The following PTPRD variants were observed in gnomAD, a reference collection of about 807,000 sequenced individuals.
PTPRD encodes receptor-type tyrosine-protein phosphatase delta.
A neutral mutation model predicts 214.5 loss-of-function variants in PTPRD; 34 were observed. The ratio of observed to expected loss-of-function variants is 0.16; its 90% CI spans 0.12 to 0.21. The LOEUF (loss-of-function observed/expected upper bound fraction) is 0.21. Ranked by LOEUF, PTPRD falls within the 10% of genes least tolerant of loss-of-function variation. PTPRD has a pLI of 1.00. For synonymous variants in PTPRD, 1,128 were observed against 845.7 expected (o/e 1.33, Z -5.79); for missense variants, 2,545 against 2,398.7 (o/e 1.06, Z -1.27).
intron 3 of PTPRD, among the ~76,000 whole-genome samples, chr9:10,151,530 G>C (rs1592508414): frequency 6.6e-6 from 1 of 151,844 alleles, no homozygotes. Flanking sequence ...CAAAGTGCTG[G>C]GATTACAGGA....
chr9:10,550,297 T>C (rs2061024463), intron 2 of PTPRD, among the ~76,000 whole-genome samples: 2 of 152,196 alleles, frequency 1.3e-5, no homozygotes, highest in African/African-American at 4.8e-5. Context: ...TAAATTTAGA[T>C]TCAGAGGATA....
intron 7 of PTPRD, among the ~76,000 whole-genome samples, chr9:9,712,047 T>G (rs146527494): frequency 1.3e-5 from 2 of 152,050 alleles, no homozygotes; most frequent in East Asian, 3.9e-4. Context: ...CGCACCGACT[T>G]AGCAAAACTC....
rs148978465 is a variant in PTPRD at position 8,995,535 on chromosome 9, C to T, written c.-104+23162G>A. 5.8e-3 allele frequency among the ~76,000 whole-genome samples: 875 copies of T among 152,122 alleles called. 8 individuals are homozygous for T. The highest frequency in any genetic ancestry group is 0.02 in the African/African-American group (840 of 41,520). On this transcript the variant is annotated intron_variant, in intron 11 of 45. Coordinates refer to ENST00000381196, the MANE Select transcript of PTPRD (RefSeq NM_002839.4). Reference sequence around the variant, plus strand: ...TTGACACATGAAGGTGTATGGGGCTCTTACAGAACTTTAGGATTTGACAAC... The same window carrying T: ...TTGACACATGAAGGTGTATGGGGCTTTTACAGAACTTTAGGATTTGACAAC...
chr9:10,262,096 C>A (rs2475338), intron 3 of PTPRD, among the ~76,000 whole-genome samples: 1 of 151,624 alleles, frequency 6.6e-6, no homozygotes, highest in Admixed American at 6.6e-5. Flanking sequence ...GCATATTAAA[C>A]CATTTAATTG....
At chr9:9,396,005 A>T (rs1388785963) in intron 9 of PTPRD, among the ~76,000 whole-genome samples, 1 of 152,064 alleles carries the variant, frequency 6.6e-6, no homozygotes, top group African/African-American at 2.4e-5. Flanking sequence ...CTCACAAATT[A>T]CTTGACTGAA....
chr9:9,430,062 C>G (rs556184256), intron 8 of PTPRD, among the ~76,000 whole-genome samples: 1 of 152,120 alleles, frequency 6.6e-6, no homozygotes, highest in African/African-American at 2.4e-5. Flanking sequence ...GGCAATCAGG[C>G]AGGAGAAAGA....
intron 9 of PTPRD, among the ~76,000 whole-genome samples, chr9:9,380,627 C>G (rs1243292970): frequency 6.6e-6 from 1 of 152,062 alleles, no homozygotes; most frequent in Non-Finnish European, 1.5e-5. Context: ...AGTAAATGTT[C>G]CATGTGAGTT....
chr9:9,765,822 G>C (rs1007447728), intron 6 of PTPRD, among the ~76,000 whole-genome samples: 3 of 150,768 alleles, frequency 2.0e-5, no homozygotes, highest in Non-Finnish European at 2.9e-5. Context: ...CACCACCCCT[G>C]GCTAATTTTT....
intron 10 of PTPRD, among the ~76,000 whole-genome samples, chr9:9,037,835 G>A (rs2099626853): frequency 6.6e-6 from 1 of 152,130 alleles, no homozygotes; most frequent in Admixed American, 6.5e-5. Flanking sequence ...AGGGCACCTG[G>A]AAGCACAGTG....
chr9:9,168,178 A>G (rs1476593606), intron 10 of PTPRD, among the ~76,000 whole-genome samples: 2 of 152,196 alleles, frequency 1.3e-5, no homozygotes, highest in Non-Finnish European at 2.9e-5. Context: ...GGCAGAATTC[A>G]CTAGTTGCCA....
intron 8 of PTPRD, among the ~76,000 whole-genome samples, chr9:9,441,183 C>T (rs1278060966): frequency 3.9e-5 from 6 of 152,132 alleles, no homozygotes; most frequent in African/African-American, 1.4e-4. Flanking sequence ...CTGAGCACTA[C>T]CTGACGACAA....
chr9:8,963,048 T>C (rs575639148), intron 11 of PTPRD: 4 of 152,142 alleles, frequency 2.6e-5, no homozygotes, highest in African/African-American at 9.6e-5. Context: ...TACAATGGAA[T>C]ACCAGACATC....
chr9:8,926,464 T>C (rs2098894243), intron 11 of PTPRD, among the ~76,000 whole-genome samples: 1 of 152,158 alleles, frequency 6.6e-6, no homozygotes, highest in South Asian at 2.1e-4. Context: ...ATGGTAAGCG[T>C]CTGTCCACTT....
intron 20 of PTPRD, among the ~76,000 whole-genome samples, chr9:8,520,920 C>T (rs1379210487): frequency 1.3e-5 from 2 of 151,598 alleles, no homozygotes; most frequent in African/African-American, 4.8e-5. Context: ...ATTGACTTTT[C>T]TTGGGGTTCT....
At chr9:10,041,270 G>A (rs1450661571) in intron 3 of PTPRD, among the ~76,000 whole-genome samples, 1 of 151,922 alleles carries the variant, frequency 6.6e-6, no homozygotes, top group Non-Finnish European at 1.5e-5. Flanking sequence ...TTATGTGAAA[G>A]ACTGACTATA....
At chr9:9,757,471 C>T (rs532375172) in intron 6 of PTPRD, among the ~76,000 whole-genome samples, 2 of 152,078 alleles carry the variant, frequency 1.3e-5, no homozygotes, top group African/African-American at 4.8e-5. Flanking sequence ...TTTTCAGTAT[C>T]ATTTTTGTTC....
At chr9:8,715,855 C>T (rs570479183) in intron 12 of PTPRD, among the ~76,000 whole-genome samples, 1 of 152,312 alleles carries the variant, frequency 6.6e-6, no homozygotes, top group East Asian at 1.9e-4. Context: ...AAATGTTTAG[C>T]CTTCAGACAA....
At chr9:10,140,174 CATATCCAGAATCTATAAACCCCA>C (rs1370373850) in intron 3 of PTPRD, among the ~76,000 whole-genome samples, 3 of 151,826 alleles carry the variant, frequency 2.0e-5, no homozygotes, top group African/African-American at 7.3e-5. Flanking sequence ...GAAACTATGT[CATATCCAGAATCTATAAACCCCA>C]ATATCCAGAA....
intron 3 of PTPRD, among the ~76,000 whole-genome samples, chr9:10,256,873 T>C (rs1040560286): frequency 5.3e-5 from 8 of 152,202 alleles, no homozygotes; most frequent in African/African-American, 1.7e-4. Context: ...ATAAATACTC[T>C]ATTTACTTAA....
Sources: gnomAD v4.1 joint callset for allele counts (sites outside exome capture counted in the v4.1 genomes callset) on GRCh38, gnomAD v4.1.1 for gene constraint, MANE v1.5 for transcripts, NCBI Gene and HGNC (gene_info 2026-07-23, HGNC 2026-07-21) for gene names.